The following KANK4 variants were observed in gnomAD, a reference collection of about 807,000 sequenced individuals.
KANK4 encodes the protein KN motif and ankyrin repeat domain-containing protein 4.
A neutral mutation model predicts 80.8 loss-of-function variants in KANK4; 50 were observed. The observed-to-expected ratio is 0.62, with a 90% confidence interval of 0.49 to 0.78. The LOEUF is 0.78. KANK4 is among the 30% of genes least tolerant of loss of function. The pLI is 0.00. For missense variants in KANK4, 1,196 were observed against 1,240.1 expected (o/e 0.96, Z 0.53); for synonymous variants, 465 against 506.9 (o/e 0.92, Z 1.11).
At chr1:62,296,713 G>A (rs898366662) in intron 1 of KANK4, among the ~76,000 whole-genome samples, 1 of 151,756 alleles carries the variant, frequency 6.6e-6, no homozygotes, top group Non-Finnish European at 1.5e-5. Flanking sequence ...CACCATGCCC[G>A]GCTAATTTTT....
At chr1:62,256,574 G>A (rs1415060284) in intron 7 of KANK4, among the ~76,000 whole-genome samples, 2 of 152,048 alleles carry the variant, frequency 1.3e-5, no homozygotes, top group African/African-American at 4.8e-5. Flanking sequence ...GCAGAGATGG[G>A]GTTTCTCCAT....
chr1:62,266,927 A>C, intron 5 of KANK4, 108 bp from the exon 6 acceptor site: 1 of 671,148 alleles, frequency 1.5e-6, no homozygotes, highest in Non-Finnish European at 2.6e-6. Flanking sequence ...AAAAATCCAA[A>C]CTGGGCAACT....
rs757833475 is a variant in KANK4 at position 62,247,558 on chromosome 1, G to A, written c.2797C>T (p.Leu933Phe). The A allele has an allele frequency of 1.2e-6, 2 of 1,614,056 alleles. No individual in the cohort carries two copies. Among genetic ancestry groups the A allele is most frequent in the Admixed American group, 1.7e-5 (1 of 60,022 alleles). ...TTGCCATGGTGACAGGCCACCATGA[G>A]GGCCGAGGATCCATCGTGGTCCTGC... Reference protein sequence around the residue: ...NLQDHDGSSALMVACHHGNVD... With the variant: ...NLQDHDGSSAFMVACHHGNVD... Residue 933 changes from leucine (L) to phenylalanine (F), a missense_variant, in exon 9 of 10, where the codon CTC becomes TTC. Around this residue, in one of 3 missense-constraint regions of KANK4, gnomAD observed 1,154 missense variants for 1,179.6 expected, o/e 0.98. Coordinates refer to ENST00000371153, the MANE Select transcript of KANK4 (RefSeq NM_181712.5).
At chr1:62,295,742 T>C (rs1394766360) in intron 1 of KANK4, among the ~76,000 whole-genome samples, 3 of 152,184 alleles carry the variant, frequency 2.0e-5, no homozygotes, top group African/African-American at 7.2e-5. Flanking sequence ...CTCAGTGTGA[T>C]ATTGGAGGAC....
In KANK4 at chr1:62,274,551, G is replaced by T; in HGVS notation, c.553C>A (p.Pro185Thr). The T allele has an allele frequency of 6.2e-7, 1 of 1,614,098 alleles. No individual in the cohort carries two copies. Among genetic ancestry groups the T allele is most frequent in the Non-Finnish European group, 8.5e-7 (1 of 1,179,956 alleles). ...AGGGGAGGGAGGGCAGGAGGGGCAG[G>T]GGGCCCCAGGCTCAGGCCTGGCTCC... The part of the protein sequence containing the change: ...SEEPGLSLGP[P>T]APPALPPLQG... Residue 185 changes from proline to threonine, a missense_variant, in exon 3 of 10, where the codon CCT (proline) becomes ACT (threonine). Physicochemically the swap from Pro to Thr is conservative, Grantham distance 38. This residue lies in a region of KANK4 where 1,154 missense variants were observed against 1,179.6 expected (regional missense o/e 0.98). Transcript: ENST00000371153.
intron 7 of KANK4, among the ~76,000 whole-genome samples, chr1:62,253,801 T>A (rs2666478): frequency 0.49 from 74,479 of 152,136 alleles, 19,018 homozygotes; most frequent in Admixed American, 0.56. Context: ...GCCAGTGGCC[T>A]TGACTTCATC....
At chr1:62,240,507 T>C (rs1671310838) in intron 9 of KANK4, among the ~76,000 whole-genome samples, 1 of 152,010 alleles carries the variant, frequency 6.6e-6, no homozygotes, top group Admixed American at 6.6e-5. Flanking sequence ...CCATCTCTAC[T>C]AAAAATACAA....
At chr1:62,264,988 CA>C (rs1671985646) in intron 6 of KANK4, among the ~76,000 whole-genome samples, 1 of 152,134 alleles carries the variant, frequency 6.6e-6, no homozygotes, top group African/African-American at 2.4e-5. Flanking sequence ...CGGGCCACCA[CA>C]CCCAGCTAAT....
chr1:62,305,571 A>G (rs1644444832), intron 1 of KANK4, among the ~76,000 whole-genome samples: 1 of 151,956 alleles, frequency 6.6e-6, no homozygotes, highest in Non-Finnish European at 1.5e-5. Flanking sequence ...TCAGCCTCCC[A>G]AAGTTCAGGG....
chr1:62,242,328 C>G (rs1386795719), intron 9 of KANK4, among the ~76,000 whole-genome samples: 1 of 130,560 alleles, frequency 7.7e-6, no homozygotes, highest in African/African-American at 3.0e-5. Flanking sequence ...TGCCACTGCA[C>G]TCCAGCCTGG....
At chr1:62,246,855 C>T (rs868692098) in intron 9 of KANK4, among the ~76,000 whole-genome samples, 1 of 151,630 alleles carries the variant, frequency 6.6e-6, no homozygotes, top group Non-Finnish European at 1.5e-5. Context: ...CTGCCTCCCA[C>T]GTTCAAGCGG....
At chr1:62,240,117 T>C (rs1214168377) in intron 9 of KANK4, among the ~76,000 whole-genome samples, 2 of 152,224 alleles carry the variant, frequency 1.3e-5, no homozygotes, top group African/African-American at 4.8e-5. Flanking sequence ...TTGAACTAGC[T>C]TACAGTCCCA....
intron 9 of KANK4, among the ~76,000 whole-genome samples, chr1:62,241,876 C>G (rs533773542): frequency 6.6e-6 from 1 of 152,306 alleles, no homozygotes; most frequent in South Asian, 2.1e-4. Context: ...GCCACAGGGC[C>G]AGTCCCAGGG....
At position 62,238,270 on chromosome 1, in the gene KANK4, G is replaced by GCAGCCCCTA; in HGVS notation, c.2986_*6dup. ...TTTGTTCCCCACGGCCAGTTCTTCT[G>GCAGCCCCTA]CAGCCCCTACAGCCCCAGGGACCTG... On this transcript the variant is annotated 3_prime_UTR_variant, in exon 10 of 10. Transcript: ENST00000371153. The GCAGCCCCTA allele has an allele frequency of 6.2e-7, 1 of 1,606,144 alleles. No homozygotes were observed. Among genetic ancestry groups the GCAGCCCCTA allele is most frequent in the Non-Finnish European group, 8.5e-7 (1 of 1,173,034 alleles).
At chr1:62,282,014 T>G (rs1672462027) in intron 1 of KANK4, among the ~76,000 whole-genome samples, 1 of 152,180 alleles carries the variant, frequency 6.6e-6, no homozygotes, top group Non-Finnish European at 1.5e-5. Flanking sequence ...TCTCAAGAGT[T>G]GAAATCTACC....
intron 1 of KANK4, among the ~76,000 whole-genome samples, chr1:62,308,299 A>T (rs963822613): frequency 6.6e-6 from 1 of 152,176 alleles, no homozygotes; most frequent in African/African-American, 2.4e-5. Context: ...GCCTGCATGG[A>T]GAGGGGCCTA....
At chr1:62,278,820 T>G (rs996570290) in intron 2 of KANK4, among the ~76,000 whole-genome samples, 2 of 152,178 alleles carry the variant, frequency 1.3e-5, no homozygotes, top group African/African-American at 4.8e-5. Flanking sequence ...TTTTCCAAGT[T>G]GCACTGGCTG....
chr1:62,315,861 T>C (rs925750151), intron 1 of KANK4, among the ~76,000 whole-genome samples: 3 of 152,224 alleles, frequency 2.0e-5, no homozygotes, highest in Non-Finnish European at 4.4e-5. Context: ...GCCTCTTCCC[T>C]TCCCCCTGCA....
chr1:62,248,519 C>A (rs940290078), intron 8 of KANK4, among the ~76,000 whole-genome samples: 6 of 150,588 alleles, frequency 4.0e-5, no homozygotes, highest in Non-Finnish European at 8.8e-5. Context: ...TGGGCACGTG[C>A]CACTCAATAT....
Sources: gnomAD v4.1 joint callset for allele counts (sites outside exome capture counted in the v4.1 genomes callset) on GRCh38, gnomAD v4.1.1 for gene constraint, gnomAD v4.1.1 regional missense constraint, MANE v1.5 for transcripts, NCBI Gene and HGNC (gene_info 2026-07-23, HGNC 2026-07-21) for gene names.